Variants in RIN2 observed in about 807,000 individuals in gnomAD.
RIN2 encodes the protein RAB5 interacting protein 2.
A neutral mutation model predicts 78.0 loss-of-function variants in RIN2; 36 were observed. That is an observed-to-expected ratio of 0.46 (90% CI 0.35 to 0.61). The LOEUF is 0.61. Among genes scored for constraint, RIN2 ranks in the 20% least tolerant of loss-of-function variants. The probability of loss-of-function intolerance (pLI) is 0.00; values close to 1 mark genes in which losing one functional copy is unlikely to be tolerated. For missense variants in RIN2, 1,087 were observed against 1,159.7 expected, an observed-to-expected ratio of 0.94 and a Z score of 0.91; for synonymous variants, 466 against 466.8, an observed-to-expected ratio of 1.00 and a Z score of 0.02.
At position 20,000,734 on chromosome 20, in the gene RIN2, G is replaced by A; in HGVS notation, c.2486G>A (p.Gly829Glu). The change falls in exon 13 of 13, where the codon GGG becomes GAG. Residue 829 changes from glycine to glutamate, a missense_variant. Physicochemically the swap from Gly to Glu is moderately conservative, Grantham distance 98. Coordinates refer to ENST00000255006, the MANE Select transcript of RIN2 (RefSeq NM_018993.4). ...CQICAEKFKV[G>E]DPEEYSLFLF... ...ATCTGCGCTGAGAAGTTCAAGGTGG[G>A]GGACCCTGAGGAGTACAGCCTCTTT... The A allele has an allele frequency of 6.2e-7, 1 of 1,613,986 alleles. No individual in the cohort carries two copies. The highest frequency in any genetic ancestry group is 2.2e-5 in the East Asian group (1 of 44,880).
intron 3 of RIN2, among the ~76,000 whole-genome samples, chr20:19,908,479 A>C (rs2039316992): frequency 6.8e-6 from 1 of 147,704 alleles, no homozygotes; most frequent in Admixed American, 6.9e-5. Context: ...CCACAGAGCG[A>C]GACTCCGTCT....
chr20:19,909,552 ACT>A lies in RIN2; in HGVS notation c.57+19897_57+19898del, dbSNP rs1314459646. Among the ~76,000 whole-genome samples the A allele has an allele frequency of 4.0e-5, 6 of 151,834 alleles. 1 individual carries two copies. Among genetic ancestry groups the A allele is most frequent in the Admixed American group, 3.9e-4 (6 of 15,234 alleles). The stretch of plus-strand genomic sequence containing the variant: ...GTCTCTGTGTTGAGCCCCGGCACAC[ACT>A]CTGCACCCTACTCCCCGCTGGCATG... On this transcript the variant is annotated intron_variant, in intron 3 of 12. Transcript: ENST00000255006.
rs374286554 is a variant in RIN2 at position 19,993,765 on chromosome 20, G to C, written c.2200+1466G>C. Among the ~76,000 whole-genome samples, 45 of 152,100 alleles carry C rather than the reference G, an allele frequency of 3.0e-4. No homozygotes were observed. In the South Asian group the frequency reaches 9.1e-3, roughly 31 times the overall value. On this transcript the variant is annotated intron_variant, in intron 11 of 12. Coordinates refer to ENST00000255006, the MANE Select transcript of RIN2 (RefSeq NM_018993.4). ...ATGTGGTTTTGCCCAGGGACCAAGA[G>C]AAGCATGTTAGTCTACATAGCATGC...
At chr20:19,959,816 G>A (rs942516870) in intron 5 of RIN2, among the ~76,000 whole-genome samples, 1 of 152,168 alleles carries the variant, frequency 6.6e-6, no homozygotes, top group Middle Eastern at 3.2e-3. Flanking sequence ...ACTCCAGGGA[G>A]AGTCACTTCA....
At position 19,990,178 on chromosome 20, in the gene RIN2, C is replaced by T. The variant is rs1601067901; in HGVS notation, c.1935C>T (p.Thr645=). 6.2e-7 allele frequency: 1 copy of T among 1,607,378 alleles called. No individual in the cohort carries two copies. The highest frequency in any genetic ancestry group is 1.1e-5 in the South Asian group (1 of 89,558). The change falls in exon 10 of 13, where the codon ACC becomes ACT. Residue 645 remains threonine (T), a synonymous_variant. Coordinates refer to ENST00000255006, the MANE Select transcript of RIN2 (RefSeq NM_018993.4). ...AGGAGCTGGGGGTCTTCGCCCCGAC[C>T]CCTGATTTTGTGGATGTGGAGAAAA... ...NPQELGVFAP[T]PDFVDVEKIK...
At chr20:19,783,976 G>C (rs192682505) in intron 1 of RIN2, among the ~76,000 whole-genome samples, 28 of 152,296 alleles carry the variant, frequency 1.8e-4, no homozygotes, top group African/African-American at 6.5e-4. Context: ...GAGGGGACAC[G>C]AGCAGCACCT....
chr20:19,882,652 G>A (rs1465077406), intron 2 of RIN2, among the ~76,000 whole-genome samples: 2 of 152,190 alleles, frequency 1.3e-5, no homozygotes, highest in Non-Finnish European at 2.9e-5. Context: ...CCTCTGCACT[G>A]TATTGCATGA....
chr20:19,975,775 G>C lies in RIN2; in HGVS notation c.1750G>C (p.Glu584Gln). 1 of 1,609,920 alleles carries C rather than the reference G, an allele frequency of 6.2e-7. No individual in the cohort carries two copies. Among genetic ancestry groups the C allele is most frequent in the Non-Finnish European group, 8.5e-7 (1 of 1,178,224 alleles). The change falls in exon 9 of 13, where the codon GAA becomes CAA. Residue 584 changes from glutamate to glutamine, a missense_variant. Glu to Gln is a conservative substitution (Grantham distance 29). Coordinates refer to ENST00000255006, the MANE Select transcript of RIN2 (RefSeq NM_018993.4). This position sits in a 1 kb window ranked among gnomAD's most constrained non-coding sequence, Gnocchi z 4.9. ...LDPPIESLIP[E>Q]DQIDVVLEKA... The stretch of plus-strand genomic sequence containing the variant: ...CCCCCCCATCGAGTCGCTGATCCCT[G>C]AAGACCAAATAGGTAAGTACCCTCT...
At chr20:19,853,676 G>A (rs1225111759) in intron 2 of RIN2, among the ~76,000 whole-genome samples, 1 of 152,188 alleles carries the variant, frequency 6.6e-6, no homozygotes, top group Non-Finnish European at 1.5e-5. Flanking sequence ...CTGCATAAAT[G>A]TCTTCTTTTG....
chr20:19,787,422 T>TAAAA (rs541323014), intron 1 of RIN2, among the ~76,000 whole-genome samples: 6 of 85,886 alleles, frequency 7.0e-5, no homozygotes, highest in African/African-American at 2.3e-4. Context: ...GACTCCATCT[T>TAAAA]AAAAAAAAAA....
At chr20:19,972,695 G>A (rs1213622233) in intron 8 of RIN2, among the ~76,000 whole-genome samples, 2 of 152,136 alleles carry the variant, frequency 1.3e-5, no homozygotes, top group African/African-American at 4.8e-5. Flanking sequence ...GAGATTTGTA[G>A]TTTATATGGG....
chr20:19,936,092 C>CGCTG (rs1264705510), intron 4 of RIN2, among the ~76,000 whole-genome samples: 1 of 152,214 alleles, frequency 6.6e-6, no homozygotes, highest in Non-Finnish European at 1.5e-5. Context: ...TTCCGCCATA[C>CGCTG]GCTGACGGGA....
rs575793046 is a variant in RIN2, at chr20:19,909,596, A to T, written c.57+19938A>T. 4.2e-3 allele frequency among the ~76,000 whole-genome samples: 640 copies of T among 152,192 alleles called. 2 individuals carry two copies. The highest frequency in any genetic ancestry group is 6.9e-3 in the Non-Finnish European group (472 of 67,996). ...GCTGGCATGGGATGATTTGGGTTGG[A>T]GCAGTTGTGCCCACTATTGTGGGCA... On this transcript the variant is annotated intron_variant, in intron 3 of 12. Coordinates refer to ENST00000255006, the MANE Select transcript of RIN2 (RefSeq NM_018993.4).
At chr20:19,811,846 T>TA (rs1469126752) in intron 2 of RIN2, among the ~76,000 whole-genome samples, 6 of 149,260 alleles carry the variant, frequency 4.0e-5, no homozygotes, top group East Asian at 2.0e-4. Context: ...TGCTCCCATT[T>TA]TAAAAAAAAA....
chr20:19,935,002 A>C, intron 3 of RIN2, 97 bp from the exon 4 acceptor site: 1 of 699,934 alleles, frequency 1.4e-6, no homozygotes. Flanking sequence ...AAAGATGGTC[A>C]TCTCTGTTCC....
At chr20:19,960,937 T>C (rs2041726274) in intron 6 of RIN2, 126 bp downstream of exon 6, 1 of 622,730 alleles carries the variant, frequency 1.6e-6, no homozygotes, top group South Asian at 2.1e-5. Context: ...ACTGAATGAC[T>C]AGGCAGATAA....
Position 20,000,822 on chromosome 20 carries a change from G to A in RIN2, c.2574G>A (p.Ala858=), listed in dbSNP as rs558421338. 1.8e-5 allele frequency: 29 copies of A among 1,613,966 alleles called. No individual in the cohort carries two copies. The highest frequency in any genetic ancestry group is 5.3e-5 in the African/African-American group (4 of 75,028). Residue 858 remains alanine (A), a synonymous_variant, in exon 13 of 13, where the codon GCG becomes GCA. Coordinates refer to ENST00000255006, the MANE Select transcript of RIN2 (RefSeq NM_018993.4). ...ACACTTACCCTCAAAAAATCAAGGC[G>A]GAGCTGCACAGCCGACCACAGCCCC... ...AEDTYPQKIK[A]ELHSRPQPHI... is the part of the protein sequence containing the mutation.
At chr20:19,806,390 C>T (rs1355165022) in intron 2 of RIN2, among the ~76,000 whole-genome samples, 1 of 152,174 alleles carries the variant, frequency 6.6e-6, no homozygotes, top group Non-Finnish European at 1.5e-5. Context: ...CTGTTGTTTC[C>T]TGACTTTTTA....
chr20:19,816,496 A>G (rs13045057), intron 2 of RIN2, among the ~76,000 whole-genome samples: 8,130 of 152,290 alleles, frequency 0.053, 274 homozygotes, highest in Middle Eastern at 0.088. Flanking sequence ...AATAAGCCAA[A>G]CAAGGTGTCA....
Sources: allele counts gnomAD v4.1 joint callset (sites outside exome capture counted in the v4.1 genomes callset), GRCh38; gene constraint gnomAD v4.1.1; non-coding constraint Gnocchi (gnomAD v3.1); transcripts MANE v1.5; gene names NCBI Gene and HGNC (gene_info 2026-07-23, HGNC 2026-07-21).